TSNARE1: variants seen among roughly 807,000 people sequenced by gnomAD.
TSNARE1 encodes the protein t-SNARE domain containing 1, also known as t-SNARE domain-containing protein 1.
In TSNARE1, 49 loss-of-function variants were observed where a neutral mutation model predicts 62.0. The ratio of observed to expected loss-of-function variants is 0.79; its 90% CI spans 0.63 to 1.00. The LOEUF is 1.00. TSNARE1 is among the 50% of genes least tolerant of loss of function. The pLI, the probability that TSNARE1 is intolerant of heterozygous loss-of-function variation, is 0.00. For synonymous variants in TSNARE1, 328 were observed against 294.4 expected (o/e 1.11, Z -1.17); for missense variants, 755 against 700.1 (o/e 1.08, Z -0.88).
intron 12 of TSNARE1, chr8:142,271,480 T>G (rs1586917708): frequency 1.4e-5 from 18 of 1,280,490 alleles, no homozygotes; most frequent in Non-Finnish European, 1.8e-5. Flanking sequence ...GCAAGGGAGG[T>G]GCTGGCGCCG....
intron 12 of TSNARE1, among the ~76,000 whole-genome samples, chr8:142,233,495 G>A (rs1470457448): frequency 5.9e-5 from 9 of 152,128 alleles, no homozygotes; most frequent in African/African-American, 1.7e-4. Flanking sequence ...ATGCCAACCC[G>A]GGAGACCTCC....
intron 12 of TSNARE1, among the ~76,000 whole-genome samples, chr8:142,256,346 T>TCACTATCACCACCACCATCAC (rs1818560814): frequency 2.1e-3 from 3 of 1,408 alleles, no homozygotes; most frequent in Admixed American, 7.8e-3. Flanking sequence ...ACCATCATCA[T>TCACTATCACCACCACCATCAC]CACCATCATT....
At chr8:142,215,430 T>C (rs1170311882) in intron 13 of TSNARE1, among the ~76,000 whole-genome samples, 1 of 152,028 alleles carries the variant, frequency 6.6e-6, no homozygotes, top group Non-Finnish European at 1.5e-5. Flanking sequence ...GATGCCCCCA[T>C]CTTCTGGCCA....
chr8:142,382,098 G>A (rs1836801893), intron 1 of TSNARE1, among the ~76,000 whole-genome samples: 1 of 152,238 alleles, frequency 6.6e-6, no homozygotes, highest in African/African-American at 2.4e-5. Flanking sequence ...CAGCCTCCGT[G>A]TGGAATGGGG....
intron 12 of TSNARE1, among the ~76,000 whole-genome samples, chr8:142,264,400 T>C (rs915506507): frequency 1.3e-5 from 2 of 152,152 alleles, no homozygotes; most frequent in African/African-American, 2.4e-5. Context: ...AGAAAATGAG[T>C]GCCCTCTATT....
At chr8:142,289,142 C>T (rs1344218990) in intron 10 of TSNARE1, among the ~76,000 whole-genome samples, 2 of 152,260 alleles carry the variant, frequency 1.3e-5, no homozygotes, top group African/African-American at 4.8e-5. Flanking sequence ...CACTCGGAGG[C>T]ACCCCCTGCC....
Position 142,231,859 on chromosome 8 carries a change from C to G in TSNARE1, c.1447-2280G>C, listed in dbSNP as rs1817129180. ...CAGAGCCTGCTGCTGACTCCACACC[C>G]TGCCCCATAAGCCCCGTGCACTTGG... On this transcript the variant is annotated intron_variant, in intron 12 of 13. Coordinates refer to ENST00000524325, the MANE Select transcript of TSNARE1 (RefSeq NM_145003.5). Among the ~76,000 whole-genome samples the G allele has an allele frequency of 2.0e-5, 3 of 152,254 alleles. No homozygotes were observed. In the South Asian group the frequency reaches 6.2e-4, roughly 31 times the overall value.
intron 1 of TSNARE1, among the ~76,000 whole-genome samples, chr8:142,366,888 A>G (rs1835586263): frequency 6.6e-6 from 1 of 152,218 alleles, no homozygotes; most frequent in Admixed American, 6.5e-5. Context: ...TAGCAAAACA[A>G]TGTTAAAATC....
intron 1 of TSNARE1, among the ~76,000 whole-genome samples, chr8:142,365,341 A>G (rs1835454490): frequency 6.6e-6 from 1 of 152,236 alleles, no homozygotes; most frequent in Non-Finnish European, 1.5e-5. Context: ...TAAAGAGACA[A>G]TCACTAAAAC....
chr8:142,241,200 A>C (rs1040186630), intron 12 of TSNARE1, among the ~76,000 whole-genome samples: 1 of 152,234 alleles, frequency 6.6e-6, no homozygotes, highest in Non-Finnish European at 1.5e-5. Context: ...ACATTCAAAA[A>C]TCAGTCACGT....
At chr8:142,273,330 C>G in intron 12 of TSNARE1, 1 of 985,428 alleles carries the variant, frequency 1.0e-6, no homozygotes, top group African/African-American at 1.7e-5. Context: ...AGGCCTTCTG[C>G]GTGGTGTGGC....
intron 11 of TSNARE1, among the ~76,000 whole-genome samples, chr8:142,283,565 A>AGTGTCTGTCAATGAGCAGAGGCGGG (rs1822106468): frequency 6.7e-5 from 1 of 14,968 alleles, no homozygotes; most frequent in Admixed American, 7.1e-4. Flanking sequence ...GCAGAGGCGG[A>AGTGTCTGTCAATGAGCAGAGGCGGG]GTTAGTGTCT....
At chr8:142,347,071 C>T (rs1185100634) in intron 2 of TSNARE1, among the ~76,000 whole-genome samples, 1 of 152,270 alleles carries the variant, frequency 6.6e-6, no homozygotes, top group East Asian at 1.9e-4. Flanking sequence ...GCCCAGCTCA[C>T]TGCTCTGGAC....
chr8:142,243,689 A>G (rs548246378), intron 12 of TSNARE1, among the ~76,000 whole-genome samples: 1 of 152,242 alleles, frequency 6.6e-6, no homozygotes, highest in Non-Finnish European at 1.5e-5. Context: ...AACGTACAGC[A>G]TGGTAACTCT....
chr8:142,296,601 G>A (rs1436131679), intron 10 of TSNARE1, among the ~76,000 whole-genome samples: 1 of 151,972 alleles, frequency 6.6e-6, no homozygotes, highest in Non-Finnish European at 1.5e-5. Context: ...GGCAAGCAAG[G>A]GCCGCTCACC....
chr8:142,235,938 C>A (rs1039955523), intron 12 of TSNARE1, among the ~76,000 whole-genome samples: 3 of 151,894 alleles, frequency 2.0e-5, no homozygotes, highest in Non-Finnish European at 4.4e-5. Flanking sequence ...GCAGGAGGGG[C>A]TTCACCTGGC....
At chr8:142,269,183 G>A (rs1370180229) in intron 12 of TSNARE1, among the ~76,000 whole-genome samples, 1 of 152,228 alleles carries the variant, frequency 6.6e-6, no homozygotes, top group African/African-American at 2.4e-5. Context: ...CCAGAGCTTA[G>A]TGTGTAACTA....
chr8:142,381,640 C>T (rs566796364), intron 1 of TSNARE1, among the ~76,000 whole-genome samples: 1 of 152,270 alleles, frequency 6.6e-6, no homozygotes, highest in Non-Finnish European at 1.5e-5. Context: ...AGGGCAGCAC[C>T]CAGGGGAGCC....
intron 1 of TSNARE1, among the ~76,000 whole-genome samples, chr8:142,392,760 G>A (rs1218479381): frequency 6.6e-6 from 1 of 152,056 alleles, no homozygotes; most frequent in Non-Finnish European, 1.5e-5. Flanking sequence ...GGCCAACATG[G>A]CGAAACCCCG....
Sources: gnomAD v4.1 joint callset for allele counts (sites outside exome capture counted in the v4.1 genomes callset) on GRCh38, gnomAD v4.1.1 for gene constraint, MANE v1.5 for transcripts, NCBI Gene and HGNC (gene_info 2026-07-23, HGNC 2026-07-21) for gene names.